MAGI1: variants seen among roughly 807,000 people sequenced by gnomAD.
The protein encoded by MAGI1 is membrane-associated guanylate kinase, WW and PDZ domain-containing protein 1.
MAGI1 carries 58 observed loss-of-function variants against 139.9 expected under a neutral mutation model. The ratio of observed to expected loss-of-function variants is 0.41; its 90% CI spans 0.34 to 0.52. MAGI1 has a LOEUF of 0.52. Among genes scored for constraint, MAGI1 ranks in the 20% least tolerant of loss-of-function variants. MAGI1 has a pLI of 0.12. For missense variants in MAGI1, 1,874 were observed against 1,901.6 expected (o/e 0.99, Z 0.27); for synonymous variants, 812 against 737.9 (o/e 1.10, Z -1.63).
rs142638117 is a variant in MAGI1, at chr3:65,808,489, C to A, written c.314-186401G>T. On this transcript the variant is annotated intron_variant, in intron 1 of 22. Transcript: ENST00000402939. ...ATCCAGCCTGGATGACAGAGCAAGA[C>A]TCTGTCTCAAAAAAACAAATAAATA... Among the ~76,000 whole-genome samples the A allele has an allele frequency of 4.8e-3, 737 of 152,132 alleles. 8 individuals carry two copies. Among genetic ancestry groups the A allele is most frequent in the African/African-American group, 0.016 (667 of 41,522 alleles).
intron 1 of MAGI1, among the ~76,000 whole-genome samples, chr3:65,707,689 CA>C (rs57489811): frequency 0.039 from 3,395 of 88,066 alleles, 54 homozygotes; most frequent in African/African-American, 0.089. Flanking sequence ...TACCCTATCT[CA>C]AAAAAAAAAA....
chr3:65,382,785 AAGTT>A (rs1213571615), intron 15 of MAGI1, among the ~76,000 whole-genome samples: 1 of 152,206 alleles, frequency 6.6e-6, no homozygotes, highest in Non-Finnish European at 1.5e-5. Flanking sequence ...GATCTTGGGC[AAGTT>A]AGTTAGCCTT....
intron 2 of MAGI1, among the ~76,000 whole-genome samples, chr3:65,547,874 G>A (rs1186374436): frequency 6.6e-6 from 1 of 152,162 alleles, no homozygotes; most frequent in Non-Finnish European, 1.5e-5. Context: ...ACTCAGGGCA[G>A]AGCCTGGAGT....
intron 2 of MAGI1, chr3:65,597,985 C>T (rs1011786022): frequency 1.6e-5 from 7 of 446,346 alleles, no homozygotes; most frequent in Non-Finnish European, 2.7e-5. Flanking sequence ...GGCCACCTGA[C>T]CACAGAGCGG....
intron 1 of MAGI1, among the ~76,000 whole-genome samples, chr3:65,639,293 T>C (rs1469541566): frequency 6.6e-6 from 1 of 152,236 alleles, no homozygotes; most frequent in East Asian, 1.9e-4. Context: ...TGATGCCTTT[T>C]GATGAGTGGA....
At chr3:65,876,687 T>G (rs1428782503) in intron 1 of MAGI1, among the ~76,000 whole-genome samples, 1 of 152,112 alleles carries the variant, frequency 6.6e-6, no homozygotes, top group African/African-American at 2.4e-5. Context: ...AGATTAATGT[T>G]TTTGTGATAA....
At chr3:66,020,406 G>A (rs968870055) in intron 1 of MAGI1, among the ~76,000 whole-genome samples, 6 of 152,086 alleles carry the variant, frequency 3.9e-5, no homozygotes, top group African/African-American at 9.7e-5. Flanking sequence ...CTCCAGCCTC[G>A]GTGACAGAGC....
chr3:65,862,416 C>T (rs894044126), intron 1 of MAGI1, among the ~76,000 whole-genome samples: 17 of 152,320 alleles, frequency 1.1e-4, no homozygotes, highest in African/African-American at 4.1e-4. Flanking sequence ...TCTTCCCTTT[C>T]TGTCTCTGTG....
At chr3:65,568,326 G>A (rs886968475) in intron 2 of MAGI1, among the ~76,000 whole-genome samples, 1 of 151,062 alleles carries the variant, frequency 6.6e-6, no homozygotes, top group African/African-American at 2.4e-5. Flanking sequence ...TTTCTTTTTG[G>A]TTGTGCACAG....
intron 1 of MAGI1, among the ~76,000 whole-genome samples, chr3:65,869,107 T>C (rs1248779931): frequency 1.3e-5 from 2 of 151,212 alleles, no homozygotes; most frequent in Non-Finnish European, 2.9e-5. Flanking sequence ...TACAAAAAAT[T>C]AGCAGGGCGT....
intron 1 of MAGI1, among the ~76,000 whole-genome samples, chr3:65,868,515 T>C (rs2108474632): frequency 6.6e-6 from 1 of 152,222 alleles, no homozygotes; most frequent in Admixed American, 6.5e-5. Flanking sequence ...CCTGGAAAAA[T>C]GCCTTAGTGT....
intron 1 of MAGI1, among the ~76,000 whole-genome samples, chr3:65,640,127 C>A (rs995997891): frequency 1.3e-5 from 2 of 152,050 alleles, no homozygotes; most frequent in Non-Finnish European, 2.9e-5. Context: ...ACCATCAGCT[C>A]CTCTGGGTCT....
chr3:65,609,713 T>C (rs1205613860), intron 2 of MAGI1: 3 of 234,342 alleles, frequency 1.3e-5, no homozygotes, highest in South Asian at 4.4e-5. Flanking sequence ...GCCTATTGAA[T>C]TGCTAGAACT....
intron 3 of MAGI1, among the ~76,000 whole-genome samples, chr3:65,482,810 G>C (rs1951372104): frequency 6.6e-6 from 1 of 152,220 alleles, no homozygotes; most frequent in African/African-American, 2.4e-5. Context: ...TTCTAGTTAA[G>C]TCTGGATTCT....
At chr3:65,373,951 G>A (rs564484018) in intron 18 of MAGI1, among the ~76,000 whole-genome samples, 11 of 152,222 alleles carry the variant, frequency 7.2e-5, no homozygotes, top group Non-Finnish European at 1.0e-4. Context: ...TACCTTTTCC[G>A]TAAGGCACCG....
At chr3:65,828,641 A>G (rs2042357790) in intron 1 of MAGI1, among the ~76,000 whole-genome samples, 1 of 152,310 alleles carries the variant, frequency 6.6e-6, no homozygotes, top group East Asian at 1.9e-4. Context: ...ATGGCCCCCT[A>G]ATGATGTCCA....
chr3:66,013,930 A>G (rs2067484280), intron 1 of MAGI1, among the ~76,000 whole-genome samples: 1 of 152,224 alleles, frequency 6.6e-6, no homozygotes, highest in South Asian at 2.1e-4. Context: ...TGACGAAAAG[A>G]AAAAAGGTAA....
chr3:65,972,533 T>C (rs1341166064), intron 1 of MAGI1, among the ~76,000 whole-genome samples: 1 of 152,234 alleles, frequency 6.6e-6, no homozygotes, highest in African/African-American at 2.4e-5. Flanking sequence ...AGGCACTATA[T>C]GATCTTTACT....
chr3:65,999,609 G>A (rs560776148), intron 1 of MAGI1, among the ~76,000 whole-genome samples: 13 of 151,954 alleles, frequency 8.6e-5, no homozygotes, highest in African/African-American at 2.4e-4. Context: ...GAAGTTAATC[G>A]TTTTCTCCAT....
Sources: gnomAD v4.1 joint callset for allele counts (sites outside exome capture counted in the v4.1 genomes callset) on GRCh38, gnomAD v4.1.1 for gene constraint, MANE v1.5 for transcripts, NCBI Gene and HGNC (gene_info 2026-07-23, HGNC 2026-07-21) for gene names.